CHN1: variants seen among roughly 807,000 people sequenced by gnomAD.
The protein encoded by CHN1 is N-chimaerin.
A neutral mutation model predicts 59.5 loss-of-function variants in CHN1; 37 were observed. The observed-to-expected ratio is 0.62, with a 90% confidence interval of 0.48 to 0.82. CHN1 has a LOEUF of 0.82. Among genes scored for constraint, CHN1 ranks in the 40% least tolerant of loss-of-function variants. The pLI is 0.00. For synonymous variants in CHN1, 206 were observed against 200.4 expected, an observed-to-expected ratio of 1.03 and a Z score of -0.24; for missense variants, 469 against 571.0, an observed-to-expected ratio of 0.82 and a Z score of 1.82.
intron 5 of CHN1, among the ~76,000 whole-genome samples, chr2:174,913,989 T>C (rs1688767456): frequency 2.0e-5 from 3 of 152,200 alleles, no homozygotes. Flanking sequence ...CGGATAAATA[T>C]TCCAAGCCTT....
At chr2:174,953,792 A>G (rs527601424) in intron 1 of CHN1, among the ~76,000 whole-genome samples, 1 of 152,348 alleles carries the variant, frequency 6.6e-6, no homozygotes, top group Non-Finnish European at 1.5e-5. Context: ...GAAATCATAG[A>G]TGAAACAAAC....
intron 5 of CHN1, among the ~76,000 whole-genome samples, chr2:174,885,573 C>T (rs2105341484): frequency 6.6e-6 from 1 of 152,186 alleles, no homozygotes; most frequent in African/African-American, 2.4e-5. Context: ...TGGCTCACTG[C>T]AACCTCCACC....
chr2:174,955,170 C>A (rs1263556171), intron 1 of CHN1, among the ~76,000 whole-genome samples: 2 of 41,288 alleles, frequency 4.8e-5, no homozygotes, highest in Non-Finnish European at 9.2e-5. Flanking sequence ...CTATATATCT[C>A]TATATATCTA....
chr2:174,876,798 T>C (rs1693724128), intron 6 of CHN1, among the ~76,000 whole-genome samples: 1 of 152,158 alleles, frequency 6.6e-6, no homozygotes, highest in Admixed American at 6.5e-5. Context: ...CCAAACTACA[T>C]TGAGTGTCTA....
At chr2:174,937,264 C>T (rs1191221528) in intron 3 of CHN1, among the ~76,000 whole-genome samples, 1 of 152,176 alleles carries the variant, frequency 6.6e-6, no homozygotes, top group African/African-American at 2.4e-5. Flanking sequence ...AAAGGTCACA[C>T]ACACATGGCT....
intron 5 of CHN1, among the ~76,000 whole-genome samples, chr2:174,893,282 CAA>C (rs1688110671): frequency 1.3e-5 from 2 of 151,998 alleles, no homozygotes; most frequent in South Asian, 4.2e-4. Context: ...CTGCAGGATA[CAA>C]ACATCAACAT....
intron 1 of CHN1, among the ~76,000 whole-genome samples, chr2:174,970,177 A>G (rs1031421740): frequency 4.6e-5 from 7 of 152,212 alleles, no homozygotes; most frequent in Non-Finnish European, 8.8e-5. Context: ...TCTGTTAAAA[A>G]AAAGTGAGAA....
intron 6 of CHN1, among the ~76,000 whole-genome samples, chr2:174,855,678 A>G (rs1467954727): frequency 6.6e-6 from 1 of 152,174 alleles, no homozygotes; most frequent in Admixed American, 6.6e-5. Context: ...GTACTAGTAA[A>G]TGCTTTACAT....
intron 1 of CHN1, among the ~76,000 whole-genome samples, chr2:174,979,771 C>T (rs1396617761): frequency 2.6e-5 from 4 of 152,102 alleles, no homozygotes; most frequent in Non-Finnish European, 4.4e-5. Context: ...GTCCCAGCTA[C>T]TCGGGAAGCT....
At position 174,986,861 on chromosome 2, in the gene CHN1, C is replaced by A. The variant is rs188245701; in HGVS notation, c.19+18033G>T. ...AAGCGATCCTCCTGCCTCAGCCTCC[C>A]GAGTAGCTGGGACTACAGGCGCCCA... On this transcript the variant is annotated intron_variant, in intron 1 of 12. Transcript: ENST00000409900. 3.3e-5 allele frequency among the ~76,000 whole-genome samples: 5 copies of A among 152,252 alleles called. No homozygotes were observed. In the South Asian group the frequency reaches 1.0e-3, roughly 32 times the overall value.
chr2:174,920,906 C>T (rs928369593), intron 3 of CHN1: 95 of 420,936 alleles, frequency 2.3e-4, no homozygotes, highest in Middle Eastern at 1.9e-3. Context: ...TGCAACTAGA[C>T]GGCCCCATCT....
chr2:174,861,256 G>A (rs1687060099), intron 6 of CHN1, among the ~76,000 whole-genome samples: 1 of 152,052 alleles, frequency 6.6e-6, no homozygotes, highest in South Asian at 2.1e-4. Context: ...AGAATGTATG[G>A]AATATACATA....
intron 6 of CHN1, among the ~76,000 whole-genome samples, chr2:174,854,546 T>C (rs1686838799): frequency 6.6e-6 from 1 of 152,202 alleles, no homozygotes; most frequent in Non-Finnish European, 1.5e-5. Flanking sequence ...TCAAGGGCTC[T>C]GGGGCCAGAC....
chr2:174,971,661 C>T (rs567120320), intron 1 of CHN1, among the ~76,000 whole-genome samples: 3 of 150,724 alleles, frequency 2.0e-5, no homozygotes, highest in South Asian at 2.1e-4. Flanking sequence ...TTACTAGTAC[C>T]ATTTTATGCA....
In CHN1 at chr2:174,952,071, G is replaced by A. The variant is rs1345465124; in HGVS notation, c.58+93C>T. 6 of 777,584 alleles carry A rather than the reference G, an allele frequency of 7.7e-6. No individual in the cohort carries two copies. In the African/African-American group the frequency reaches 9.2e-5, roughly 12 times the overall value. 48.2% of individuals were successfully genotyped at this position (777,584 alleles called of 1,614,324 possible). On this transcript the variant is annotated intron_variant, in intron 2 of 12. Transcript: ENST00000409900. ...GTTTAAATTAATTTTTCAACAATGG[G>A]TACAAAATGGAATGAGTATTTCTAT... is the stretch of plus-strand genomic sequence containing the variant.
At position 174,913,147 on chromosome 2, in the gene CHN1, G is replaced by A. The variant is rs181634267; in HGVS notation, c.260+1911C>T. ...ACTGTGTGACAGATATAAGATGACA[G>A]GCAATGTGGTAATGTGGTGAAAGTA... On this transcript the variant is annotated intron_variant, in intron 5 of 12. Coordinates refer to ENST00000409900, the MANE Select transcript of CHN1 (RefSeq NM_001822.7). Among the ~76,000 whole-genome samples, 17 of 152,284 alleles carry A rather than the reference G, an allele frequency of 1.1e-4. No homozygotes were observed. The East Asian group carries it at 3.3e-3, about 29-fold the overall frequency.
chr2:174,990,235 G>C (rs1317024800), intron 1 of CHN1, among the ~76,000 whole-genome samples: 1 of 85,162 alleles, frequency 1.2e-5, no homozygotes, highest in African/African-American at 4.7e-5. Flanking sequence ...TGGTGTGTCT[G>C]TGTGTGTGTG....
chr2:174,882,763 T>C (rs1687775485), intron 5 of CHN1, among the ~76,000 whole-genome samples: 2 of 152,166 alleles, frequency 1.3e-5, no homozygotes. Context: ...GCTAATCTAA[T>C]GGTGAAATAT....
At chr2:174,864,024 T>G (rs139378847) in intron 6 of CHN1, among the ~76,000 whole-genome samples, 82 of 152,346 alleles carry the variant, frequency 5.4e-4, no homozygotes, top group African/African-American at 1.7e-3. Flanking sequence ...TATGAAATGC[T>G]AATCTTTCAG....
Sources: gnomAD v4.1 joint callset for allele counts (sites outside exome capture counted in the v4.1 genomes callset) on GRCh38, gnomAD v4.1.1 for gene constraint, MANE v1.5 for transcripts, NCBI Gene and HGNC (gene_info 2026-07-23, HGNC 2026-07-21) for gene names.